Variants in EVI5 observed in about 807,000 individuals in gnomAD.
The protein encoded by EVI5 is ecotropic viral integration site 5.
Under a neutral mutation model 112.0 loss-of-function variants are expected in EVI5, and 73 were observed. The ratio of observed to expected loss-of-function variants is 0.65; its 90% CI spans 0.54 to 0.79. The LOEUF (loss-of-function observed/expected upper bound fraction) is 0.79. Ranked by LOEUF, EVI5 falls within the 30% of genes least tolerant of loss-of-function variation. The probability of loss-of-function intolerance (pLI) is 0.00; values close to 1 mark genes in which losing one functional copy is unlikely to be tolerated. For missense variants in EVI5, 900 were observed against 968.8 expected (o/e 0.93, Z 0.94); for synonymous variants, 305 against 319.9 (o/e 0.95, Z 0.50).
At chr1:92,773,351 C>G (rs1683694709) in intron 1 of EVI5, among the ~76,000 whole-genome samples, 1 of 152,104 alleles carries the variant, frequency 6.6e-6, no homozygotes, top group African/African-American at 2.4e-5. Context: ...ATTTCAAAAA[C>G]ATTATTTTGA....
At chr1:92,682,465 G>A (rs950785210) in intron 9 of EVI5, among the ~76,000 whole-genome samples, 1 of 152,092 alleles carries the variant, frequency 6.6e-6, no homozygotes, top group Non-Finnish European at 1.5e-5. Flanking sequence ...CTAGCAATTA[G>A]AAACAACAGT....
chr1:92,688,630 A>G (rs776141546), intron 9 of EVI5, among the ~76,000 whole-genome samples: 8 of 152,230 alleles, frequency 5.3e-5, no homozygotes, highest in Non-Finnish European at 1.0e-4. Context: ...AGGCACCTCT[A>G]CTACAGAAAT....
At chr1:92,588,588 T>C (rs1377007285) in intron 18 of EVI5, among the ~76,000 whole-genome samples, 1 of 152,256 alleles carries the variant, frequency 6.6e-6, no homozygotes, top group Non-Finnish European at 1.5e-5. Flanking sequence ...TGTCTTCCAC[T>C]GTCTAAATTT....
At chr1:92,716,025 G>A (rs1673613434) in intron 2 of EVI5, among the ~76,000 whole-genome samples, 1 of 152,144 alleles carries the variant, frequency 6.6e-6, no homozygotes, top group African/African-American at 2.4e-5. Flanking sequence ...TCCACCTCTG[G>A]GGGGCAAGGT....
chr1:92,558,443 T>C (rs1035904611), intron 19 of EVI5, among the ~76,000 whole-genome samples: 18 of 152,318 alleles, frequency 1.2e-4, no homozygotes, highest in Non-Finnish European at 5.9e-5. Flanking sequence ...TCTATGCTGG[T>C]CAATGGCACC....
At chr1:92,721,954 C>T (rs1674820687) in intron 2 of EVI5, among the ~76,000 whole-genome samples, 1 of 152,160 alleles carries the variant, frequency 6.6e-6, no homozygotes, top group South Asian at 2.1e-4. Context: ...TATATAATAA[C>T]CAACTGAACA....
intron 19 of EVI5, among the ~76,000 whole-genome samples, chr1:92,516,443 G>C (rs1007572368): frequency 2.2e-4 from 33 of 152,184 alleles, no homozygotes; most frequent in African/African-American, 7.2e-4. Flanking sequence ...TGTTAATATG[G>C]AATAGCAAAC....
chr1:92,613,313 T>C (rs2101660255), intron 16 of EVI5, among the ~76,000 whole-genome samples: 1 of 152,326 alleles, frequency 6.6e-6, no homozygotes, highest in Non-Finnish European at 1.5e-5. Context: ...TATTTTTTTC[T>C]TTGAGACAGA....
intron 15 of EVI5, chr1:92,625,581 C>T: frequency 4.5e-6 from 2 of 442,480 alleles, no homozygotes; most frequent in South Asian, 9.0e-5. Context: ...TATCTGATGT[C>T]TACTGTATCT....
At chr1:92,538,209 CCATTAA>C (rs1427338313) in intron 19 of EVI5, among the ~76,000 whole-genome samples, 2 of 152,124 alleles carry the variant, frequency 1.3e-5, no homozygotes, top group Admixed American at 1.3e-4. Flanking sequence ...AAAATTGAAA[CCATTAA>C]CATTATTTAG....
intron 19 of EVI5, among the ~76,000 whole-genome samples, chr1:92,534,352 T>C (rs1663434426): frequency 1.3e-5 from 2 of 152,232 alleles, no homozygotes; most frequent in South Asian, 4.1e-4. Flanking sequence ...ATGGCCATAC[T>C]GCCCAAAGTA....
intron 4 of EVI5, 92 bp downstream of exon 4, chr1:92,703,303 G>T: frequency 1.3e-6 from 1 of 741,242 alleles, no homozygotes; most frequent in South Asian, 1.9e-5. Flanking sequence ...ACTGATTATT[G>T]TGGTGGGAGG....
chr1:92,731,092 G>A (rs771756823), intron 2 of EVI5, among the ~76,000 whole-genome samples: 1 of 152,200 alleles, frequency 6.6e-6, no homozygotes, highest in East Asian at 1.9e-4. Flanking sequence ...GGGAGGCCGA[G>A]GTAGGCAAAT....
At chr1:92,787,633 GGGAGCCTGAGGCA>G (rs1451674035), upstream of EVI5, among the ~76,000 whole-genome samples, 3 of 152,064 alleles carry the variant, frequency 2.0e-5, no homozygotes, top group Non-Finnish European at 4.4e-5. Context: ...CCTGCTACTT[GGGAGCCTGAGGCA>G]GGAGGATTGC....
At chr1:92,522,802 G>C (rs1661196827) in intron 19 of EVI5, among the ~76,000 whole-genome samples, 1 of 151,984 alleles carries the variant, frequency 6.6e-6, no homozygotes, top group Admixed American at 6.6e-5. Context: ...CTGTCACCTA[G>C]GCTAGAGTGC....
intron 2 of EVI5, among the ~76,000 whole-genome samples, chr1:92,725,788 A>T (rs1675482265): frequency 1.3e-5 from 2 of 152,142 alleles, no homozygotes; most frequent in South Asian, 4.2e-4. Flanking sequence ...GTGGGGGGGA[A>T]ATCAATCCAT....
At chr1:92,674,532 G>A (rs768447322) in intron 10 of EVI5, among the ~76,000 whole-genome samples, 1 of 152,106 alleles carries the variant, frequency 6.6e-6, no homozygotes, top group Non-Finnish European at 1.5e-5. Context: ...ACTGGGGCCT[G>A]TCAGGGGGTG....
intron 18 of EVI5, among the ~76,000 whole-genome samples, chr1:92,566,391 T>C (rs974914299): frequency 6.6e-6 from 1 of 152,194 alleles, no homozygotes; most frequent in African/African-American, 2.4e-5. Flanking sequence ...CCTAGTGACA[T>C]TGTAGTTGTA....
In EVI5 at chr1:92,665,624, A is replaced by C. The variant is rs116265093; in HGVS notation, c.1212+315T>G. ...ATTTGAAACTCATCTTTAAAATGCT[A>C]TATCAGAATGGACTCCCAACTAAAT... On this transcript the variant is annotated intron_variant, in intron 11 of 19. Coordinates refer to ENST00000684568, the MANE Select transcript of EVI5 (RefSeq NM_001350197.2). Among the ~76,000 whole-genome samples the C allele has an allele frequency of 3.7e-4, 56 of 152,330 alleles. 2 individuals are homozygous for C. In the South Asian group the frequency reaches 0.011, roughly 30 times the overall value.
Sources: allele counts gnomAD v4.1 joint callset (sites outside exome capture counted in the v4.1 genomes callset), GRCh38; gene constraint gnomAD v4.1.1; transcripts MANE v1.5; gene names NCBI Gene and HGNC (gene_info 2026-07-23, HGNC 2026-07-21).